CACNB4: variants seen among roughly 807,000 people sequenced by gnomAD.
CACNB4 encodes voltage-dependent L-type calcium channel subunit beta-4.
In CACNB4, 32 loss-of-function variants were observed where a neutral mutation model predicts 71.2. That is an observed-to-expected ratio of 0.45 (90% CI 0.34 to 0.60). The LOEUF (loss-of-function observed/expected upper bound fraction) is 0.60. Among genes scored for constraint, CACNB4 ranks in the 20% least tolerant of loss-of-function variants. CACNB4 has a pLI of 0.01. For missense variants in CACNB4, 464 were observed against 647.9 expected, an observed-to-expected ratio of 0.72 and a Z score of 3.08; for synonymous variants, 231 against 236.9, an observed-to-expected ratio of 0.97 and a Z score of 0.23.
intron 2 of CACNB4, among the ~76,000 whole-genome samples, chr2:151,933,233 G>C (rs2099862068): frequency 6.6e-6 from 1 of 151,148 alleles, no homozygotes; most frequent in African/African-American, 2.4e-5. Flanking sequence ...ATCCAATAAG[G>C]TAAACTAGAA....
In CACNB4 at chr2:151,839,348, G is replaced by A; in HGVS notation, c.1334C>T (p.Thr445Ile). The A allele has an allele frequency of 6.2e-7, 1 of 1,611,862 alleles. No homozygotes were observed. Among genetic ancestry groups the A allele is most frequent in the Admixed American group, 1.7e-5 (1 of 59,996 alleles). Reference sequence around the variant, plus strand: ...TCGTCTTTCAATTGGAGAGTTCTCTGTGGAGTGGTTGCTGTGCCTCATTCG... The same window carrying A: ...TCGTCTTTCAATTGGAGAGTTCTCTATGGAGTGGTTGCTGTGCCTCATTCG... ...SQRMRHSNHS[T>I]ENSPIERRSL... Residue 445 changes from threonine (T) to isoleucine (I), a missense_variant, in exon 14 of 14, where the codon ACA (threonine) becomes ATA (isoleucine). Around this residue, in one of 3 missense-constraint regions of CACNB4, gnomAD observed 115 missense variants for 128.8 expected, o/e 0.89. Coordinates refer to ENST00000539935, the MANE Select transcript of CACNB4 (RefSeq NM_000726.5).
intron 12 of CACNB4, 102 bp downstream of exon 12, chr2:151,853,346 C>A: frequency 1.5e-6 from 1 of 663,270 alleles, no homozygotes; most frequent in Non-Finnish European, 2.6e-6. Context: ...AACATACCAT[C>A]ATCACCATCA....
chr2:152,038,337 G>A (rs1684701579), intron 2 of CACNB4, among the ~76,000 whole-genome samples: 1 of 152,222 alleles, frequency 6.6e-6, no homozygotes, highest in African/African-American at 2.4e-5. Flanking sequence ...TCCAAGTTCT[G>A]CTGCTTGCCT....
At chr2:151,888,411 T>TA (rs1559938769) in intron 2 of CACNB4, among the ~76,000 whole-genome samples, 6 of 151,244 alleles carry the variant, frequency 4.0e-5, no homozygotes, top group African/African-American at 1.5e-4. Context: ...AAAATAAATT[T>TA]TAAAAAAAAA....
chr2:152,047,313 G>A (rs181654167), intron 2 of CACNB4, among the ~76,000 whole-genome samples: 8 of 152,288 alleles, frequency 5.3e-5, no homozygotes, highest in African/African-American at 1.4e-4. Context: ...TGAACCCTGA[G>A]GACAGTTCTT....
At chr2:152,029,033 G>C (rs767817778) in intron 2 of CACNB4, among the ~76,000 whole-genome samples, 1 of 152,172 alleles carries the variant, frequency 6.6e-6, no homozygotes, top group Non-Finnish European at 1.5e-5. Flanking sequence ...GGAAACAAAG[G>C]CATGTTATGG....
At chr2:151,911,015 A>G (rs2099856032) in intron 2 of CACNB4, among the ~76,000 whole-genome samples, 1 of 152,132 alleles carries the variant, frequency 6.6e-6, no homozygotes. Context: ...GGTTCTTCAC[A>G]TCCCTTGTCA....
intron 2 of CACNB4, among the ~76,000 whole-genome samples, chr2:152,063,339 T>A (rs1156603190): frequency 1.3e-5 from 2 of 152,224 alleles, no homozygotes; most frequent in Non-Finnish European, 2.9e-5. Context: ...GCAATGTTAT[T>A]AGCCTGTTAT....
At chr2:152,054,696 T>C (rs1186400547) in intron 2 of CACNB4, among the ~76,000 whole-genome samples, 2 of 152,190 alleles carry the variant, frequency 1.3e-5, no homozygotes, top group African/African-American at 4.8e-5. Flanking sequence ...CTACCAGCAG[T>C]GTATGAGGAT....
chr2:152,052,259 C>A (rs1685474304), intron 2 of CACNB4, among the ~76,000 whole-genome samples: 1 of 152,206 alleles, frequency 6.6e-6, no homozygotes, highest in Admixed American at 6.5e-5. Context: ...TCATGTAATT[C>A]ATTGAATACT....
At chr2:151,936,170 C>G (rs1018216056) in intron 2 of CACNB4, 2 of 152,188 alleles carry the variant, frequency 1.3e-5, no homozygotes, top group Admixed American at 6.5e-5. Flanking sequence ...GAAATGTAAA[C>G]AGCTTTTGCA....
intron 2 of CACNB4, among the ~76,000 whole-genome samples, chr2:152,060,806 CTT>C (rs1353626110): frequency 6.6e-6 from 1 of 151,970 alleles, no homozygotes; most frequent in Non-Finnish European, 1.5e-5. Context: ...ACAATACAGT[CTT>C]ATATGAAAAT....
At chr2:151,881,879 CTT>C (rs34072100) in intron 3 of CACNB4, among the ~76,000 whole-genome samples, 12 of 132,992 alleles carry the variant, frequency 9.0e-5, no homozygotes, top group Admixed American at 1.5e-4. Flanking sequence ...CTCCTCCCAT[CTT>C]TTTTTTTTTT....
chr2:151,853,730 G>T, intron 11 of CACNB4, 187 bp from the exon 12 acceptor site: 1 of 480,242 alleles, frequency 2.1e-6, no homozygotes, highest in Non-Finnish European at 3.6e-6. Flanking sequence ...CCATGGATTT[G>T]ATATGTTCAT....
intron 2 of CACNB4, among the ~76,000 whole-genome samples, chr2:151,931,181 T>C (rs913533283): frequency 3.9e-5 from 6 of 152,330 alleles, no homozygotes; most frequent in African/African-American, 1.2e-4. Context: ...CACTGCAGTA[T>C]ACCAGCTGGC....
At chr2:152,091,882 A>G (rs1272884908) in intron 2 of CACNB4, among the ~76,000 whole-genome samples, 1 of 152,228 alleles carries the variant, frequency 6.6e-6, no homozygotes, top group African/African-American at 2.4e-5. Context: ...TCCATCCATG[A>G]TAGAATTGGG....
At chr2:151,905,236 C>A (rs1322202191) in intron 2 of CACNB4, among the ~76,000 whole-genome samples, 1 of 152,172 alleles carries the variant, frequency 6.6e-6, no homozygotes, top group Non-Finnish European at 1.5e-5. Flanking sequence ...TTTTCTACCC[C>A]CAACCTGGAG....
At chr2:152,013,561 T>C (rs1417903300) in intron 2 of CACNB4, among the ~76,000 whole-genome samples, 1 of 152,044 alleles carries the variant, frequency 6.6e-6, no homozygotes, top group Non-Finnish European at 1.5e-5. Context: ...GGGGTTCACA[T>C]AGCAGAGAGG....
At chr2:151,984,594 A>G (rs1413337738) in intron 2 of CACNB4, among the ~76,000 whole-genome samples, 1 of 152,170 alleles carries the variant, frequency 6.6e-6, no homozygotes, top group African/African-American at 2.4e-5. Context: ...GGCCTAGAAG[A>G]AGAAAGTCAT....
Sources: allele counts gnomAD v4.1 joint callset (sites outside exome capture counted in the v4.1 genomes callset), GRCh38; gene constraint gnomAD v4.1.1; regional missense constraint gnomAD v4.1.1; transcripts MANE v1.5; gene names NCBI Gene and HGNC (gene_info 2026-07-23, HGNC 2026-07-21).